OSBPL1A: variants seen among roughly 807,000 people sequenced by gnomAD.
OSBPL1A encodes oxysterol binding protein like 1A, also known as oxysterol-binding protein-related protein 1.
OSBPL1A carries 80 observed loss-of-function variants against 137.1 expected under a neutral mutation model. The ratio of observed to expected loss-of-function variants is 0.58; its 90% CI spans 0.49 to 0.70. The LOEUF (loss-of-function observed/expected upper bound fraction) is 0.70. Ranked by LOEUF, OSBPL1A falls within the 30% of genes least tolerant of loss-of-function variation. OSBPL1A has a pLI of 0.00. For missense variants in OSBPL1A, 970 were observed against 1,129.4 expected (o/e 0.86, Z 2.02); for synonymous variants, 365 against 389.7 (o/e 0.94, Z 0.75).
chr18:24,247,442 T>C (rs2088932017), intron 15 of OSBPL1A, among the ~76,000 whole-genome samples: 1 of 152,114 alleles, frequency 6.6e-6, no homozygotes, highest in South Asian at 2.1e-4. Flanking sequence ...TACAACCTGT[T>C]CTTAAGAAGG....
At chr18:24,288,906 A>G (rs1449926319) in intron 14 of OSBPL1A, among the ~76,000 whole-genome samples, 1 of 152,222 alleles carries the variant, frequency 6.6e-6, no homozygotes, top group Non-Finnish European at 1.5e-5. Context: ...ATTAAGAGAC[A>G]GGACTATCTA....
chr18:24,338,041 G>C (rs1568037210), intron 5 of OSBPL1A, among the ~76,000 whole-genome samples: 1 of 151,430 alleles, frequency 6.6e-6, no homozygotes, highest in South Asian at 2.1e-4. Flanking sequence ...CAGTATTCTT[G>C]AAACTTTCCC....
At chr18:24,182,988 C>A (rs1331765120) in intron 18 of OSBPL1A, among the ~76,000 whole-genome samples, 1 of 152,044 alleles carries the variant, frequency 6.6e-6, no homozygotes, top group Admixed American at 6.6e-5. Context: ...CCTGCCTCAG[C>A]CTCCGGAGTA....
chr18:24,327,260 A>G (rs1317341032), intron 7 of OSBPL1A, among the ~76,000 whole-genome samples: 1 of 151,876 alleles, frequency 6.6e-6, no homozygotes, highest in Non-Finnish European at 1.5e-5. Flanking sequence ...GGCGTGCTCC[A>G]CCATGCCCGG....
chr18:24,268,921 C>T (rs2089648708), intron 15 of OSBPL1A, among the ~76,000 whole-genome samples: 1 of 152,148 alleles, frequency 6.6e-6, no homozygotes, highest in African/African-American at 2.4e-5. Context: ...GTCCAAAAGG[C>T]AACTCATCTT....
chr18:24,252,648 G>C (rs2146029641), intron 15 of OSBPL1A, among the ~76,000 whole-genome samples: 1 of 152,260 alleles, frequency 6.6e-6, no homozygotes, highest in East Asian at 1.9e-4. Flanking sequence ...AAAACTTGCT[G>C]GTAATAGTAA....
At chr18:24,392,520 T>C (rs960958332) in intron 1 of OSBPL1A, among the ~76,000 whole-genome samples, 10 of 152,236 alleles carry the variant, frequency 6.6e-5, no homozygotes, top group African/African-American at 2.4e-4. Context: ...ATGTTGCGAT[T>C]AGTTTTTAAA....
chr18:24,365,307 G>C (rs574699872), intron 4 of OSBPL1A, among the ~76,000 whole-genome samples: 2 of 152,188 alleles, frequency 1.3e-5, no homozygotes, highest in South Asian at 2.1e-4. Flanking sequence ...TGTTTAGGCC[G>C]AGTGCGGTGG....
At chr18:24,234,505 T>G (rs1394014517) in intron 16 of OSBPL1A, among the ~76,000 whole-genome samples, 1 of 151,756 alleles carries the variant, frequency 6.6e-6, no homozygotes, top group African/African-American at 2.4e-5. Flanking sequence ...ACTGGAAAAA[T>G]AATTTTCTCA....
intron 7 of OSBPL1A, among the ~76,000 whole-genome samples, chr18:24,325,459 G>T (rs562962962): frequency 6.6e-6 from 1 of 152,282 alleles, no homozygotes; most frequent in Non-Finnish European, 1.5e-5. Context: ...CATTTTCCTT[G>T]AATGCTCTTC....
chr18:24,382,457 G>C (rs1448335763), intron 1 of OSBPL1A, among the ~76,000 whole-genome samples: 1 of 150,474 alleles, frequency 6.6e-6, no homozygotes. Flanking sequence ...TGAGCCTGTA[G>C]TCCCAGCCAT....
At chr18:24,241,659 C>A (rs962353903) in intron 15 of OSBPL1A, among the ~76,000 whole-genome samples, 1 of 152,134 alleles carries the variant, frequency 6.6e-6, no homozygotes, top group Non-Finnish European at 1.5e-5. Flanking sequence ...GAAATAGGAA[C>A]GCTTTTACTC....
At chr18:24,314,384 C>G (rs761220403) in intron 11 of OSBPL1A, 37 bp from the exon 12 acceptor site, 1 of 1,429,768 alleles carries the variant, frequency 7.0e-7, no homozygotes, top group African/African-American at 1.4e-5. Context: ...AACATTCATT[C>G]ACATAAAAGA....
intron 14 of OSBPL1A, among the ~76,000 whole-genome samples, chr18:24,297,725 TA>T (rs1437077304): frequency 1.3e-5 from 2 of 152,226 alleles, no homozygotes; most frequent in Admixed American, 1.3e-4. Flanking sequence ...AGTTGATTTC[TA>T]GTTTTATTCC....
At chr18:24,308,535 G>A (rs890611607) in intron 13 of OSBPL1A, among the ~76,000 whole-genome samples, 3 of 149,632 alleles carry the variant, frequency 2.0e-5, no homozygotes, top group African/African-American at 4.9e-5. Flanking sequence ...ATCACTTCTT[G>A]TAACACAAAA....
intron 4 of OSBPL1A, among the ~76,000 whole-genome samples, chr18:24,362,609 G>A (rs182050805): frequency 6.6e-6 from 1 of 152,128 alleles, no homozygotes; most frequent in African/African-American, 2.4e-5. Context: ...TTCCAATCAC[G>A]TGCTTACGAA....
chr18:24,358,382 G>A (rs1156645028), intron 4 of OSBPL1A: 1 of 678,032 alleles, frequency 1.5e-6, no homozygotes, highest in Non-Finnish European at 2.7e-6. Context: ...CATCGCTTGA[G>A]CCGGCAGCAC....
At chr18:24,304,729 C>T (rs1187666631) in intron 13 of OSBPL1A, among the ~76,000 whole-genome samples, 1 of 152,142 alleles carries the variant, frequency 6.6e-6, no homozygotes. Context: ...TAGGTAAATA[C>T]TCTTTTCTCC....
chr18:24,277,765 G>T (rs1317746028), intron 15 of OSBPL1A, among the ~76,000 whole-genome samples: 2 of 152,176 alleles, frequency 1.3e-5, no homozygotes, highest in Non-Finnish European at 2.9e-5. Context: ...GCATTTGAAA[G>T]ACTAACTTTA....
Sources: allele counts gnomAD v4.1 joint callset (sites outside exome capture counted in the v4.1 genomes callset), GRCh38; gene constraint gnomAD v4.1.1; transcripts MANE v1.5; gene names NCBI Gene and HGNC (gene_info 2026-07-23, HGNC 2026-07-21).